Variants in THRAP3 observed in about 807,000 individuals in gnomAD.
The protein encoded by THRAP3 is thyroid hormone receptor-associated protein 3.
Under a neutral mutation model 101.0 loss-of-function variants are expected in THRAP3, and 16 were observed. That is an observed-to-expected ratio of 0.16 (90% CI 0.11 to 0.24). The LOEUF is 0.24. Among genes scored for constraint, THRAP3 ranks in the 10% least tolerant of loss-of-function variants. The pLI is 1.00. For missense variants in THRAP3, 989 were observed against 1,202.7 expected, an observed-to-expected ratio of 0.82 and a Z score of 2.63; for synonymous variants, 407 against 422.6, an observed-to-expected ratio of 0.96 and a Z score of 0.45.
At chr1:36,275,787 G>A (rs1389534035) in intron 2 of THRAP3, among the ~76,000 whole-genome samples, 1 of 151,540 alleles carries the variant, frequency 6.6e-6, no homozygotes, top group African/African-American at 2.4e-5. Context: ...TTGGGAGGCC[G>A]AGGTGGGTGG....
At chr1:36,263,791 G>A (rs1645477965) in intron 2 of THRAP3, among the ~76,000 whole-genome samples, 1 of 152,296 alleles carries the variant, frequency 6.6e-6, no homozygotes, top group South Asian at 2.1e-4. Context: ...ATCTCAAGTT[G>A]CTTACACTGG....
chr1:36,289,787 C>T lies in THRAP3; in HGVS notation c.1745+23C>T, dbSNP rs1366698602. On this transcript the variant is annotated intron_variant, in intron 5 of 11. Coordinates refer to ENST00000354618, the MANE Select transcript of THRAP3 (RefSeq NM_005119.4). ...ACGGTGAGATATGCTCCTTCTTGATCCTCAGTGCTTTAGTGGCCTAAGTGG... is the reference window on the plus strand; with the variant it reads ...ACGGTGAGATATGCTCCTTCTTGATTCTCAGTGCTTTAGTGGCCTAAGTGG... 4 of 1,572,546 alleles carry T rather than the reference C, an allele frequency of 2.5e-6. No homozygotes were observed. In the African/African-American group the frequency reaches 4.1e-5, roughly 16 times the overall value.
At chr1:36,218,379 C>T in the THRAP3 span, among the ~76,000 whole-genome samples, 3 of 138,432 alleles carry the variant, frequency 2.2e-5, no homozygotes, top group African/African-American at 8.3e-5. Context: ...CACATCACTG[C>T]ACTCCAGCCT....
chr1:36,281,155 C>T (rs1000469842), intron 2 of THRAP3, among the ~76,000 whole-genome samples: 6 of 152,088 alleles, frequency 3.9e-5, no homozygotes, highest in Admixed American at 2.6e-4. Context: ...GATCAGCCCA[C>T]CTCAGCCTCC....
rs1052456161 is a variant in THRAP3, at chr1:36,290,320, C to T, written c.1745+556C>T. Among the ~76,000 whole-genome samples, 29 of 151,990 alleles carry T rather than the reference C, an allele frequency of 1.9e-4. 1 individual carries two copies. The East Asian group carries it at 5.2e-3, about 27-fold the overall frequency. ...ACGCCATTCTCCTGCCTCAGCCTCC[C>T]GAGTAGCTGGGACCACAGGCCTCCA... On this transcript the variant is annotated intron_variant, in intron 5 of 11. Coordinates refer to ENST00000354618, the MANE Select transcript of THRAP3 (RefSeq NM_005119.4).
chr1:36,228,346 T>G (rs1644986480), intron 1 of THRAP3, among the ~76,000 whole-genome samples: 1 of 152,186 alleles, frequency 6.6e-6, no homozygotes, highest in African/African-American at 2.4e-5. Flanking sequence ...GCATCCCAAA[T>G]AGCTGGAATT....
chr1:36,299,853 T>C (rs1408192285), intron 9 of THRAP3, among the ~76,000 whole-genome samples: 2 of 152,176 alleles, frequency 1.3e-5, no homozygotes, highest in Non-Finnish European at 2.9e-5. Context: ...CACGGATGTT[T>C]AGTGGGGTCA....
At position 36,282,525 on chromosome 1, in the gene THRAP3, T is replaced by C. The variant is rs767260595; in HGVS notation, c.-31-8T>C. The C allele has an allele frequency of 1.8e-5, 29 of 1,598,354 alleles. No homozygotes were observed. In the South Asian group the frequency reaches 3.2e-4, roughly 18 times the overall value. On this transcript the variant is annotated splice_polypyrimidine_tract_variant and splice_region_variant and intron_variant, in intron 2 of 11. Transcript: ENST00000354618. Reference sequence around the variant, plus strand: ...ACTCATTTGTTCTAATGCATTTTCTTACATTAGGTGTAATTGAAAAGTGAT... The same window carrying C: ...ACTCATTTGTTCTAATGCATTTTCTCACATTAGGTGTAATTGAAAAGTGAT...
At chr1:36,281,211 C>G (rs1645727406) in intron 2 of THRAP3, among the ~76,000 whole-genome samples, 1 of 152,096 alleles carries the variant, frequency 6.6e-6, no homozygotes, top group Admixed American at 6.5e-5. Flanking sequence ...CCAGCTGACT[C>G]TTTTGTAATA....
chr1:36,237,822 T>C (rs1312151121), intron 1 of THRAP3, among the ~76,000 whole-genome samples: 1 of 151,162 alleles, frequency 6.6e-6, no homozygotes, highest in Non-Finnish European at 1.5e-5. Context: ...AGGTTTTTTT[T>C]GTGTGTGTGT....
At chr1:36,288,129 TTCA>T in intron 4 of THRAP3, 1 of 984,222 alleles carries the variant, frequency 1.0e-6, no homozygotes, top group Non-Finnish European at 1.2e-6. Context: ...TGTACTTGCC[TTCA>T]GTAAGTCTGT....
chr1:36,214,996 C>T, the THRAP3 span, among the ~76,000 whole-genome samples: 4 of 151,654 alleles, frequency 2.6e-5, no homozygotes, highest in South Asian at 2.1e-4. Flanking sequence ...CCGAGGCGGG[C>T]GGATTATGAG....
intron 1 of THRAP3, among the ~76,000 whole-genome samples, chr1:36,243,278 G>T (rs1330930767): frequency 6.6e-6 from 1 of 151,512 alleles, no homozygotes; most frequent in Non-Finnish European, 1.5e-5. Context: ...GACAATAGTG[G>T]AGGGAAGGTC....
In THRAP3 at chr1:36,304,688, A is replaced by G. The variant is rs1264498631; in HGVS notation, c.*671A>G. The G allele has an allele frequency of 1.8e-5, 4 of 217,522 alleles. No individual in the cohort carries two copies. Among genetic ancestry groups the G allele is most frequent in the Admixed American group, 1.7e-4 (3 of 17,172 alleles). 13.5% of individuals were successfully genotyped at this position (217,522 alleles called of 1,614,324 possible). A position where few individuals can be genotyped will look rare whatever the true frequency, so the allele number is the denominator to read the frequency against. ...TTCTGCGCAGCCATGTATCACGTGGAGTTGCTCCTTACCACACCTCACGTG... is the reference window on the plus strand; with the variant it reads ...TTCTGCGCAGCCATGTATCACGTGGGGTTGCTCCTTACCACACCTCACGTG... On this transcript the variant is annotated 3_prime_UTR_variant, in exon 12 of 12. Coordinates refer to ENST00000354618, the MANE Select transcript of THRAP3 (RefSeq NM_005119.4).
chr1:36,261,899 C>T (rs1645450837), intron 2 of THRAP3, among the ~76,000 whole-genome samples: 1 of 152,040 alleles, frequency 6.6e-6, no homozygotes, highest in Non-Finnish European at 1.5e-5. Flanking sequence ...GTTACTGCAA[C>T]AGGAAAGGCT....
intron 1 of THRAP3, among the ~76,000 whole-genome samples, chr1:36,258,610 A>C (rs937410964): frequency 1.3e-5 from 2 of 152,102 alleles, no homozygotes; most frequent in African/African-American, 2.4e-5. Flanking sequence ...TGAGTAGCTG[A>C]GACTACAGGT....
At chr1:36,293,758 C>A in intron 7 of THRAP3, 93 bp from the exon 8 acceptor site, 1 of 1,066,300 alleles carries the variant, frequency 9.4e-7, no homozygotes, top group South Asian at 1.4e-5. Flanking sequence ...AAAATAATGC[C>A]TGTGAATCTA....
chr1:36,288,544 C>G (rs1645825121), intron 4 of THRAP3: 2 of 985,242 alleles, frequency 2.0e-6, no homozygotes, highest in African/African-American at 3.5e-5. Flanking sequence ...TATTTGTGTT[C>G]ACAGTATATT....
Position 36,304,098 on chromosome 1 carries a change from C to G in THRAP3, c.*81C>G. 7.0e-7 allele frequency: 1 copy of G among 1,438,240 alleles called. No homozygotes were observed. Among genetic ancestry groups the G allele is most frequent in the African/African-American group, 1.4e-5 (1 of 69,208 alleles). The allele number at this position is 1,438,240 out of a possible 1,614,324, so 89.1% of individuals were successfully genotyped here. A position where few individuals can be genotyped will look rare whatever the true frequency, so the allele number is the denominator to read the frequency against. On this transcript the variant is annotated 3_prime_UTR_variant, in exon 12 of 12. Coordinates refer to ENST00000354618, the MANE Select transcript of THRAP3 (RefSeq NM_005119.4). Reference sequence around the variant, plus strand: ...GGTGAGGAGCTTAACAGAGGAACCTCAAGAAGATTCTGAAAATCCTACCCC... The same window carrying G: ...GGTGAGGAGCTTAACAGAGGAACCTGAAGAAGATTCTGAAAATCCTACCCC...
Sources: gnomAD v4.1 joint callset for allele counts (sites outside exome capture counted in the v4.1 genomes callset) on GRCh38, gnomAD v4.1.1 for gene constraint, MANE v1.5 for transcripts, NCBI Gene and HGNC (gene_info 2026-07-23, HGNC 2026-07-21) for gene names.